Variants in TGFA observed in about 807,000 individuals in gnomAD.
TGFA encodes protransforming growth factor alpha.
Under a neutral mutation model 21.7 loss-of-function variants are expected in TGFA, and 12 were observed. The observed-to-expected ratio is 0.55, with a 90% confidence interval of 0.35 to 0.90. The LOEUF (loss-of-function observed/expected upper bound fraction) is 0.90. Ranked by LOEUF, TGFA falls within the 40% of genes least tolerant of loss-of-function variation. The pLI is 0.01. For synonymous variants in TGFA, 79 were observed against 88.1 expected (o/e 0.90, Z 0.58); for missense variants, 178 against 210.8 (o/e 0.84, Z 0.96).
intron 1 of TGFA, among the ~76,000 whole-genome samples, chr2:70,550,616 GCAGAC>G (rs1673467662): frequency 6.6e-6 from 1 of 152,058 alleles, no homozygotes; most frequent in African/African-American, 2.4e-5. Context: ...GTCAGGAGAT[GCAGAC>G]CATCCTGGCT....
chr2:70,482,550 G>C (rs62151571), intron 2 of TGFA, among the ~76,000 whole-genome samples: 1 of 152,232 alleles, frequency 6.6e-6, no homozygotes, highest in South Asian at 2.1e-4. Context: ...TTTGTGGTCA[G>C]CTAAGGCCTC....
chr2:70,495,440 C>T (rs540255136), intron 2 of TGFA, among the ~76,000 whole-genome samples: 1 of 152,288 alleles, frequency 6.6e-6, no homozygotes, highest in South Asian at 2.1e-4. Context: ...CTTATTCATC[C>T]TAATCTTGTG....
At chr2:70,500,958 T>C (rs1304599193) in intron 2 of TGFA, among the ~76,000 whole-genome samples, 1 of 128,390 alleles carries the variant, frequency 7.8e-6, no homozygotes, top group Non-Finnish European at 1.6e-5. Context: ...CCTGTGCTTT[T>C]AGGGCCATCT....
intron 1 of TGFA, among the ~76,000 whole-genome samples, chr2:70,520,383 T>C (rs1362637475): frequency 5.4e-5 from 8 of 147,114 alleles, no homozygotes; most frequent in African/African-American, 2.0e-4. Context: ...GGTGTGGTGG[T>C]GGGCATCTGT....
At chr2:70,524,773 A>T (rs1166527060) in intron 1 of TGFA, among the ~76,000 whole-genome samples, 1 of 152,240 alleles carries the variant, frequency 6.6e-6, no homozygotes, top group Non-Finnish European at 1.5e-5. Flanking sequence ...ATAGCTATCC[A>T]CAGGGCCCTG....
At chr2:70,531,314 C>A (rs934447032) in intron 1 of TGFA, among the ~76,000 whole-genome samples, 1 of 152,126 alleles carries the variant, frequency 6.6e-6, no homozygotes, top group Non-Finnish European at 1.5e-5. Flanking sequence ...CAGTCCACAC[C>A]CTCATGGGCT....
In TGFA at chr2:70,518,073, G is replaced by A. The variant is rs181575981; in HGVS notation, c.41-3161C>T. Reference sequence around the variant, plus strand: ...TGGGGAGAGGACAGCCACAGGCACCGCAGCCACATGCAGTGGCTCAGGGAG... The same window carrying A: ...TGGGGAGAGGACAGCCACAGGCACCACAGCCACATGCAGTGGCTCAGGGAG... On this transcript the variant is annotated intron_variant, in intron 1 of 5. Transcript: ENST00000295400. Among the ~76,000 whole-genome samples the A allele has an allele frequency of 7.2e-5, 11 of 152,314 alleles. No homozygotes were observed. In the East Asian group the frequency reaches 1.5e-3, roughly 21 times the overall value.
chr2:70,521,813 C>T (rs554957340), intron 1 of TGFA, among the ~76,000 whole-genome samples: 1 of 151,938 alleles, frequency 6.6e-6, no homozygotes, highest in Non-Finnish European at 1.5e-5. Flanking sequence ...CGGGGTTTCA[C>T]CATATTGGCC....
intron 3 of TGFA, among the ~76,000 whole-genome samples, chr2:70,464,385 T>C (rs1553491864): frequency 6.6e-6 from 1 of 152,256 alleles, no homozygotes; most frequent in African/African-American, 2.4e-5. Flanking sequence ...TAATGATTAG[T>C]ATGAAACTGC....
intron 3 of TGFA, among the ~76,000 whole-genome samples, chr2:70,465,055 G>GC (rs1559102193): frequency 6.6e-6 from 1 of 152,188 alleles, no homozygotes; most frequent in South Asian, 2.1e-4. Flanking sequence ...ACTTCGAGAA[G>GC]CCCCCCAAGG....
At chr2:70,530,530 GA>G (rs35949526) in intron 1 of TGFA, among the ~76,000 whole-genome samples, 1,914 of 152,352 alleles carry the variant, frequency 0.013, 41 homozygotes, top group African/African-American at 0.044. Flanking sequence ...AATGTTTTAA[GA>G]AAGTTTATGA....
chr2:70,544,151 T>A (rs1379674369), intron 1 of TGFA, among the ~76,000 whole-genome samples: 4 of 151,988 alleles, frequency 2.6e-5, no homozygotes, highest in African/African-American at 9.7e-5. Flanking sequence ...ATATAATATA[T>A]AACCAAAAAG....
intron 2 of TGFA, among the ~76,000 whole-genome samples, chr2:70,510,217 G>A (rs1368035810): frequency 2.6e-5 from 4 of 152,144 alleles, no homozygotes; most frequent in Non-Finnish European, 5.9e-5. Flanking sequence ...GGCAGAGAAA[G>A]CCTGCTCCTT....
chr2:70,502,566 T>C (rs777037862), intron 2 of TGFA, among the ~76,000 whole-genome samples: 2 of 152,156 alleles, frequency 1.3e-5, no homozygotes, highest in Non-Finnish European at 2.9e-5. Flanking sequence ...AGTGATCTGC[T>C]ACCTTGGCCT....
chr2:70,522,857 G>A (rs1553502509), intron 1 of TGFA, among the ~76,000 whole-genome samples: 1 of 152,182 alleles, frequency 6.6e-6, no homozygotes, highest in African/African-American at 2.4e-5. Flanking sequence ...AGCACCTGCT[G>A]CACCATTAGC....
rs137898528 is a variant in TGFA, at chr2:70,521,201, C to T, written c.41-6289G>A. On this transcript the variant is annotated intron_variant, in intron 1 of 5. Transcript: ENST00000295400. ...GCTCTGTACCACTCACAGAACCCAGCGCAGAGACAGAACCCAGCCCCAAGT... is the reference window on the plus strand; with the variant it reads ...GCTCTGTACCACTCACAGAACCCAGTGCAGAGACAGAACCCAGCCCCAAGT... Among the ~76,000 whole-genome samples the T allele has an allele frequency of 7.0e-3, 1,058 of 152,230 alleles. 11 individuals carry two copies. The highest frequency in any genetic ancestry group is 0.01 in the Non-Finnish European group (707 of 68,026).
At chr2:70,527,921 G>A (rs1216821212) in intron 1 of TGFA, among the ~76,000 whole-genome samples, 1 of 152,236 alleles carries the variant, frequency 6.6e-6, no homozygotes, top group Non-Finnish European at 1.5e-5. Context: ...CATGGCAGGG[G>A]CAGCTTGAGT....
At chr2:70,489,413 C>A (rs539060960) in intron 2 of TGFA, among the ~76,000 whole-genome samples, 1 of 152,364 alleles carries the variant, frequency 6.6e-6, no homozygotes, top group South Asian at 2.1e-4. Flanking sequence ...ATGTTCTGGG[C>A]TGCCTGGGGA....
At chr2:70,547,063 G>A (rs1673327354) in intron 1 of TGFA, among the ~76,000 whole-genome samples, 1 of 152,164 alleles carries the variant, frequency 6.6e-6, no homozygotes, top group Non-Finnish European at 1.5e-5. Flanking sequence ...ATATCAAAAA[G>A]TGAAATTGAT....
Sources: gnomAD v4.1 joint callset for allele counts (sites outside exome capture counted in the v4.1 genomes callset) on GRCh38, gnomAD v4.1.1 for gene constraint, MANE v1.5 for transcripts, NCBI Gene and HGNC (gene_info 2026-07-23, HGNC 2026-07-21) for gene names.